The following TSPAN5 variants were observed in gnomAD, a reference collection of about 807,000 sequenced individuals.
The protein encoded by TSPAN5 is tetraspanin-5.
A neutral mutation model predicts 37.1 loss-of-function variants in TSPAN5; 10 were observed. The observed-to-expected ratio is 0.27, with a 90% CI of 0.17 to 0.46. TSPAN5 has a LOEUF of 0.46. TSPAN5 is among the 20% of genes least tolerant of loss of function. The probability of loss-of-function intolerance (pLI) is 1.00; values close to 1 mark genes in which losing one functional copy is unlikely to be tolerated. For synonymous variants in TSPAN5, 110 were observed against 118.9 expected (o/e 0.93, Z 0.48); for missense variants, 195 against 326.6 (o/e 0.60, Z 3.11).
intron 1 of TSPAN5, among the ~76,000 whole-genome samples, chr4:98,634,263 G>A (rs1038387265): frequency 2.0e-5 from 3 of 152,132 alleles, no homozygotes; most frequent in Non-Finnish European, 4.4e-5. Context: ...TGACTGGCAG[G>A]GAGTGGCAGG....
intron 3 of TSPAN5, chr4:98,483,233 A>G (rs886123033): frequency 6.6e-6 from 1 of 152,338 alleles, no homozygotes; most frequent in Non-Finnish European, 1.5e-5. Flanking sequence ...TGAAGGCCAC[A>G]TGCAGAAGAA....
chr4:98,553,794 C>T (rs574971771), intron 1 of TSPAN5, among the ~76,000 whole-genome samples: 9 of 152,244 alleles, frequency 5.9e-5, no homozygotes, highest in Admixed American at 2.6e-4. Context: ...CAGCTGGGCA[C>T]GGTGGCTCAC....
intron 3 of TSPAN5, chr4:98,484,850 C>T (rs556045266): frequency 3.0e-5 from 8 of 264,090 alleles, no homozygotes; most frequent in East Asian, 2.9e-4. Context: ...TGGTGGCTCA[C>T]GCCTGTAATC....
chr4:98,531,394 T>C (rs1754084050), intron 1 of TSPAN5, among the ~76,000 whole-genome samples: 1 of 152,236 alleles, frequency 6.6e-6, no homozygotes, highest in Non-Finnish European at 1.5e-5. Flanking sequence ...GCAAAGGACA[T>C]GAACTCATCC....
At chr4:98,540,651 A>G (rs1285739351) in intron 1 of TSPAN5, among the ~76,000 whole-genome samples, 6 of 151,960 alleles carry the variant, frequency 3.9e-5, no homozygotes, top group African/African-American at 1.4e-4. Flanking sequence ...TCTTTCTTAT[A>G]TCTCTTAATT....
At chr4:98,608,108 C>T (rs554377533) in intron 1 of TSPAN5, among the ~76,000 whole-genome samples, 1 of 152,272 alleles carries the variant, frequency 6.6e-6, no homozygotes, top group South Asian at 2.1e-4. Context: ...TTCGTTATAG[C>T]ATAACACGCT....
intron 1 of TSPAN5, among the ~76,000 whole-genome samples, chr4:98,629,750 A>C (rs1447022794): frequency 6.6e-6 from 1 of 152,150 alleles, no homozygotes; most frequent in Non-Finnish European, 1.5e-5. Context: ...GGCAGTAAAA[A>C]CCCAGCATTC....
chr4:98,582,669 T>C (rs182347963), intron 1 of TSPAN5, among the ~76,000 whole-genome samples: 6 of 152,220 alleles, frequency 3.9e-5, no homozygotes, highest in African/African-American at 1.4e-4. Context: ...GCTTGAAAAA[T>C]GAAGTCCAAG....
chr4:98,514,452 C>T (rs910891923), intron 1 of TSPAN5, among the ~76,000 whole-genome samples: 1 of 152,202 alleles, frequency 6.6e-6, no homozygotes, highest in African/African-American at 2.4e-5. Flanking sequence ...AAAGGAGTAA[C>T]TGTGGGCTGG....
chr4:98,508,567 C>T (rs1009257913), intron 1 of TSPAN5, among the ~76,000 whole-genome samples: 1 of 144,562 alleles, frequency 6.9e-6, no homozygotes, highest in East Asian at 2.1e-4. Flanking sequence ...CTCTCTCACA[C>T]AGGCTGGAGT....
At chr4:98,546,992 G>A (rs28712025) in intron 1 of TSPAN5, among the ~76,000 whole-genome samples, 11,254 of 152,276 alleles carry the variant, frequency 0.074, 631 homozygotes, top group African/African-American at 0.15. Context: ...GCCCAAGCTC[G>A]GAGCAGCTCC....
rs76611198 is a variant in TSPAN5, at chr4:98,568,808, T to C, written c.82-61080A>G. 6.7e-3 allele frequency among the ~76,000 whole-genome samples: 1,013 copies of C among 152,254 alleles called. 22 individuals are homozygous for C. Among genetic ancestry groups the C allele is most frequent in the African/African-American group, 0.023 (947 of 41,542 alleles). ...AGAAACAGCTCCAAGCCCTAAAGAA[T>C]TGAAAGTATTATATCTAAGGGTAAG... On this transcript the variant is annotated intron_variant, in intron 1 of 7. Transcript: ENST00000305798.
chr4:98,553,393 T>C (rs1030580784), intron 1 of TSPAN5, among the ~76,000 whole-genome samples: 1 of 152,216 alleles, frequency 6.6e-6, no homozygotes, highest in African/African-American at 2.4e-5. Flanking sequence ...TATGTGGTGG[T>C]ATTACAGAAA....
intron 1 of TSPAN5, among the ~76,000 whole-genome samples, chr4:98,624,680 T>C (rs1261310974): frequency 1.3e-5 from 2 of 152,204 alleles, no homozygotes; most frequent in Non-Finnish European, 2.9e-5. Flanking sequence ...AGAATCAGTA[T>C]GACGATAGTA....
intron 1 of TSPAN5, among the ~76,000 whole-genome samples, chr4:98,514,921 TG>T (rs1223871105): frequency 1.3e-5 from 2 of 152,180 alleles, no homozygotes; most frequent in East Asian, 3.9e-4. Flanking sequence ...TTTTTTAAAA[TG>T]GGAAGTGCTG....
chr4:98,568,187 C>G (rs1482836806), intron 1 of TSPAN5, among the ~76,000 whole-genome samples: 1 of 152,118 alleles, frequency 6.6e-6, no homozygotes, highest in Non-Finnish European at 1.5e-5. Flanking sequence ...AGCAGACAGA[C>G]AGAATGACTT....
intron 1 of TSPAN5, among the ~76,000 whole-genome samples, chr4:98,533,189 T>C (rs1754138878): frequency 6.6e-6 from 1 of 152,210 alleles, no homozygotes; most frequent in African/African-American, 2.4e-5. Flanking sequence ...GGTAACAGGA[T>C]GATGCTAGCC....
chr4:98,496,112 G>C (rs1753206796), intron 2 of TSPAN5, among the ~76,000 whole-genome samples: 1 of 152,162 alleles, frequency 6.6e-6, no homozygotes, highest in Admixed American at 6.5e-5. Flanking sequence ...AGGGTAACGA[G>C]GAATGACATT....
chr4:98,525,088 C>G (rs1226189544), intron 1 of TSPAN5, among the ~76,000 whole-genome samples: 1 of 152,180 alleles, frequency 6.6e-6, no homozygotes, highest in Non-Finnish European at 1.5e-5. Flanking sequence ...AAAGAAACAG[C>G]TTTCCTAAAT....
Sources: gnomAD v4.1 joint callset for allele counts (sites outside exome capture counted in the v4.1 genomes callset) on GRCh38, gnomAD v4.1.1 for gene constraint, MANE v1.5 for transcripts, NCBI Gene and HGNC (gene_info 2026-07-23, HGNC 2026-07-21) for gene names.